Variants in PTH2R observed in about 807,000 individuals in gnomAD.
The protein encoded by PTH2R is parathyroid hormone 2 receptor.
PTH2R carries 59 observed loss-of-function variants against 60.3 expected under a neutral mutation model. The observed-to-expected ratio is 0.98, with a 90% CI of 0.79 to 1.22. The LOEUF (loss-of-function observed/expected upper bound fraction) is 1.22, where lower values mean the gene tolerates loss of function less well. PTH2R is among the 50% of genes most tolerant of loss of function. The pLI is 0.00. For synonymous variants in PTH2R, 256 were observed against 243.8 expected (o/e 1.05, Z -0.47); for missense variants, 749 against 682.6 (o/e 1.10, Z -1.08).
intron 9 of PTH2R, among the ~76,000 whole-genome samples, chr2:208,464,607 T>C (rs1702703588): frequency 6.6e-6 from 1 of 152,160 alleles, no homozygotes; most frequent in African/African-American, 2.4e-5. Flanking sequence ...GGCCAGGCTG[T>C]CTTTGTTAGC....
At position 208,429,026 on chromosome 2, in the gene PTH2R, G is replaced by A. The variant is rs141592393; in HGVS notation, c.178+723G>A. Among the ~76,000 whole-genome samples the A allele has an allele frequency of 5.1e-3, 778 of 151,510 alleles. 8 individuals carry two copies. Among genetic ancestry groups the A allele is most frequent in the African/African-American group, 0.018 (730 of 41,272 alleles). On this transcript the variant is annotated intron_variant, in intron 2 of 12. Transcript: ENST00000272847. ...CTTGAACCCGGGAGGTGGAGGTTGC[G>A]GTGAGCTGAGATCGCACCATTGAAC... is the stretch of plus-strand genomic sequence containing the variant.
chr2:208,374,281 T>G (rs1700754102), intron 1 of PTH2R, among the ~76,000 whole-genome samples: 1 of 152,092 alleles, frequency 6.6e-6, no homozygotes, highest in Admixed American at 6.5e-5. Context: ...AAAGTACCCC[T>G]TATTTTTCCT....
intron 1 of PTH2R, among the ~76,000 whole-genome samples, chr2:208,412,460 T>C (rs913882242): frequency 6.6e-6 from 1 of 152,234 alleles, no homozygotes; most frequent in African/African-American, 2.4e-5. Context: ...AACAGTCTTC[T>C]TGATGACTTG....
chr2:208,421,690 G>A (rs576316721), intron 1 of PTH2R, among the ~76,000 whole-genome samples: 6 of 152,232 alleles, frequency 3.9e-5, no homozygotes, highest in Admixed American at 1.3e-4. Context: ...AATCACACTC[G>A]TGAGAGTGAC....
chr2:208,472,636 G>C (rs1702909846), intron 9 of PTH2R, among the ~76,000 whole-genome samples: 1 of 152,168 alleles, frequency 6.6e-6, no homozygotes, highest in Non-Finnish European at 1.5e-5. Context: ...TAGCCACATG[G>C]AACTGTAAGT....
Position 208,378,330 on chromosome 2 carries a change from C to T in PTH2R, c.-259+18093C>T, listed in dbSNP as rs1700848708. ...TGAGCCGCGATGGCAGCAGTACAGT[C>T]CAGCTTTGGCTCGGCATCAGAGGGA... On this transcript the variant is annotated intron_variant, in intron 1 of 12. Transcript: ENST00000617735. 2.0e-5 allele frequency among the ~76,000 whole-genome samples: 3 copies of T among 151,656 alleles called. No individual in the cohort carries two copies. The South Asian group carries it at 6.3e-4, about 32-fold the overall frequency.
At chr2:208,481,042 T>G (rs116362389) in intron 9 of PTH2R, 28 bp from the exon 10 acceptor site, 49 of 1,446,134 alleles carry the variant, frequency 3.4e-5, no homozygotes, top group Middle Eastern at 1.7e-4. Flanking sequence ...CTAACAATAA[T>G]TCTTTGTAAT....
Position 208,443,441 on chromosome 2 carries a change from C to T in PTH2R, c.603C>T (p.Val201=). The T allele has an allele frequency of 6.2e-7, 1 of 1,613,732 alleles. No homozygotes were observed. The highest frequency in any genetic ancestry group is 1.3e-5 in the African/African-American group (1 of 75,030). ...GCATCTTTGTCAAAGACAGAGTAGT[C>T]CATGCTCACATAGGAGTAAAGGAGC... ...ATSIFVKDRV[V]HAHIGVKELE... Residue 201 remains valine, a synonymous_variant, in exon 6 of 13, where the codon GTC becomes GTT. Transcript: ENST00000272847.
At chr2:208,386,186 A>G (rs1004769334) in intron 1 of PTH2R, among the ~76,000 whole-genome samples, 2 of 152,148 alleles carry the variant, frequency 1.3e-5, no homozygotes, top group Admixed American at 1.3e-4. Flanking sequence ...CATCATACTC[A>G]TGTTCTTGAC....
intron 1 of PTH2R, among the ~76,000 whole-genome samples, chr2:208,417,657 C>G (rs1027755343): frequency 1.4e-5 from 2 of 143,636 alleles, no homozygotes; most frequent in Admixed American, 7.5e-5. Flanking sequence ...TAAAGCGATT[C>G]TCCTGCCTCA....
chr2:208,452,681 T>G (rs1360515947), intron 8 of PTH2R, among the ~76,000 whole-genome samples: 1 of 152,154 alleles, frequency 6.6e-6, no homozygotes, highest in Non-Finnish European at 1.5e-5. Context: ...ACCAGAACAT[T>G]GGGTAATAAT....
chr2:208,360,017 C>A, exon 1 of PTH2R: 1 of 330,746 alleles, frequency 3.0e-6, no homozygotes, highest in Non-Finnish European at 6.1e-6. Flanking sequence ...AGTCCCTATC[C>A]ACCCACAGGT....
chr2:208,468,812 G>A (rs997445717), intron 9 of PTH2R, among the ~76,000 whole-genome samples: 4 of 152,070 alleles, frequency 2.6e-5, no homozygotes, highest in South Asian at 2.1e-4. Flanking sequence ...GAACTGCAAG[G>A]TTTATGTAAA....
intron 1 of PTH2R, among the ~76,000 whole-genome samples, chr2:208,397,093 G>C (rs927113858): frequency 6.6e-6 from 1 of 152,182 alleles, no homozygotes; most frequent in East Asian, 1.9e-4. Flanking sequence ...CTCATAGGTG[G>C]GAATTGAACA....
chr2:208,482,254 G>A (rs1020784122), intron 10 of PTH2R, among the ~76,000 whole-genome samples: 22 of 152,150 alleles, frequency 1.4e-4, no homozygotes, highest in African/African-American at 5.1e-4. Flanking sequence ...ACAATGCAAC[G>A]GGGCTCTCTC....
At chr2:208,481,841 T>C (rs138940779) in intron 10 of PTH2R, among the ~76,000 whole-genome samples, 190 of 152,326 alleles carry the variant, frequency 1.2e-3, no homozygotes, top group Admixed American at 2.4e-3. Flanking sequence ...AATCTTTACA[T>C]CAAATTGTCT....
At chr2:208,487,086 C>T (rs929880601) in intron 10 of PTH2R, among the ~76,000 whole-genome samples, 34 of 152,160 alleles carry the variant, frequency 2.2e-4, no homozygotes, top group African/African-American at 7.7e-4. Flanking sequence ...ATGATTTCAA[C>T]ATGATTTTAT....
At position 208,437,743 on chromosome 2, in the gene PTH2R, C is replaced by T. The variant is rs762098542; in HGVS notation, c.290-17C>T. 2.5e-6 allele frequency: 4 copies of T among 1,609,028 alleles called. No individual in the cohort carries two copies. Among genetic ancestry groups the T allele is most frequent in the Admixed American group, 1.7e-5 (1 of 59,916 alleles). On this transcript the variant is annotated splice_polypyrimidine_tract_variant and intron_variant, in intron 3 of 12. Coordinates refer to ENST00000272847, the MANE Select transcript of PTH2R (RefSeq NM_005048.4). ...TAAGGGAACTGAGCGATCTCAGCATCTTTCATGTCTTTACAGGAGTTGCTT... is the reference window on the plus strand; with the variant it reads ...TAAGGGAACTGAGCGATCTCAGCATTTTTCATGTCTTTACAGGAGTTGCTT...
chr2:208,444,673 T>A (rs1313520089), intron 6 of PTH2R, 61 bp from the exon 7 acceptor site: 1 of 1,507,604 alleles, frequency 6.6e-7, no homozygotes, highest in East Asian at 2.3e-5. Context: ...AGTGGTCTAA[T>A]GTTGGCATCC....
Sources: gnomAD v4.1 joint callset for allele counts (sites outside exome capture counted in the v4.1 genomes callset) on GRCh38, gnomAD v4.1.1 for gene constraint, MANE v1.5 for transcripts, NCBI Gene and HGNC (gene_info 2026-07-23, HGNC 2026-07-21) for gene names.